The following GAL3ST4 variants were observed in gnomAD, a reference collection of about 807,000 sequenced individuals.
The protein encoded by GAL3ST4 is beta-galactose-3-O-sulfotransferase 4.
Under a neutral mutation model 31.6 loss-of-function variants are expected in GAL3ST4, and 30 were observed. The observed-to-expected ratio is 0.95, with a 90% CI of 0.71 to 1.29. GAL3ST4 has a LOEUF of 1.29. Among genes scored for constraint, GAL3ST4 ranks in the 50% most tolerant of loss-of-function variants. The pLI, the probability that GAL3ST4 is intolerant of heterozygous loss-of-function variation, is 0.00. For synonymous variants in GAL3ST4, 248 were observed against 256.9 expected, an observed-to-expected ratio of 0.97 and a Z score of 0.33; for missense variants, 629 against 625.2, an observed-to-expected ratio of 1.01 and a Z score of -0.06.
chr7:100,162,890 AAAAG>A (rs1190306415), intron 3 of GAL3ST4, among the ~76,000 whole-genome samples: 1 of 152,146 alleles, frequency 6.6e-6, no homozygotes, highest in Non-Finnish European at 1.5e-5. Context: ...AAAAAAAAGA[AAAAG>A]AAAAAAAAAG....
In GAL3ST4 at chr7:100,167,168, C is replaced by T; in HGVS notation, c.-73G>A. On this transcript the variant is annotated 5_prime_UTR_variant, in exon 2 of 4. Transcript: ENST00000360039. ...GAAGAGGGGCAGAGACAGCTGGAGA[C>T]AGCCGTGCAGCTGCGGAAGGCACTG... The T allele has an allele frequency of 6.4e-7, 1 of 1,550,834 alleles. No homozygotes were observed. Among genetic ancestry groups the T allele is most frequent in the Non-Finnish European group, 8.7e-7 (1 of 1,146,740 alleles).
Position 100,160,698 on chromosome 7 carries a change from G to T in GAL3ST4, c.691C>A (p.Pro231Thr). Residue 231 changes from proline (P) to threonine (T), a missense_variant, in exon 4 of 4, where the codon CCC becomes ACC. Transcript: ENST00000360039. ...EKRAKRGNIHPPRDPNPPQLQ... is the reference protein window; with the variant it reads ...EKRAKRGNIHTPRDPNPPQLQ... ...TGTGGGGGGTTGGGGTCTCTGGGGG[G>T]ATGAATATTCCCTCTCTTGGCCCTC... The T allele has an allele frequency of 1.2e-6, 2 of 1,613,820 alleles. No individual in the cohort carries two copies. The highest frequency in any genetic ancestry group is 1.7e-6 in the Non-Finnish European group (2 of 1,179,848).
chr7:100,165,653 C>CA (rs1232070580), intron 3 of GAL3ST4, among the ~76,000 whole-genome samples: 8 of 151,358 alleles, frequency 5.3e-5, no homozygotes, highest in Admixed American at 5.3e-4. Context: ...TCCATCTCTA[C>CA]AAAAAATAAA....
chr7:100,160,674 G>A lies in GAL3ST4; in HGVS notation c.715C>T (p.Gln239Ter), dbSNP rs1562954433. ...IHPPRDPNPP[Q>*]LQVLPSGAGP... ...GCACCAGAAGGCAAGACCTGCAGCT[G>A]TGGGGGGTTGGGGTCTCTGGGGGGA... The change falls in exon 4 of 4, where the codon CAG becomes TAG. Residue 239 changes from glutamine to a stop codon, truncating the protein, a stop_gained. Coordinates refer to ENST00000360039, the MANE Select transcript of GAL3ST4 (RefSeq NM_024637.5). LOFTEE classifies it high-confidence loss of function. 5 of 1,613,826 alleles carry A rather than the reference G, an allele frequency of 3.1e-6. No homozygotes were observed. Among genetic ancestry groups the A allele is most frequent in the African/African-American group, 2.7e-5 (2 of 74,940 alleles).
intron 3 of GAL3ST4, among the ~76,000 whole-genome samples, chr7:100,161,761 G>T (rs1278980897): frequency 6.6e-6 from 1 of 151,810 alleles, no homozygotes; most frequent in Non-Finnish European, 1.5e-5. Flanking sequence ...CCATAGAAAA[G>T]AATGAGATAA....
At chr7:100,161,657 A>C (rs2116970020) in intron 3 of GAL3ST4, among the ~76,000 whole-genome samples, 1 of 151,904 alleles carries the variant, frequency 6.6e-6, no homozygotes. Flanking sequence ...TGTCTCAAAA[A>C]AAAAAAAAAA....
chr7:100,159,540 T>G lies in GAL3ST4; in HGVS notation c.*388A>C. 5.7e-6 allele frequency: 1 copy of G among 175,016 alleles called. No homozygotes were observed. Among genetic ancestry groups the G allele is most frequent in the East Asian group, 1.6e-4 (1 of 6,126 alleles). 10.8% of individuals were successfully genotyped at this position (175,016 alleles called of 1,614,324 possible). ...GAGTTCAAGACCAGCCTAACCAACA[T>G]GTTGAATCCCTGTCTCTAAAAATAT... On this transcript the variant is annotated 3_prime_UTR_variant, in exon 4 of 4. Transcript: ENST00000360039.
Position 100,159,748 on chromosome 7 carries a change from C to G in GAL3ST4, c.*180G>C, listed in dbSNP as rs1470493930. The G allele has an allele frequency of 3.5e-6, 2 of 563,636 alleles. No individual in the cohort carries two copies. Among genetic ancestry groups the G allele is most frequent in the East Asian group, 6.0e-5 (2 of 33,294 alleles). 34.9% of individuals were successfully genotyped at this position (563,636 alleles called of 1,614,324 possible). Reference sequence around the variant, plus strand: ...AAAAAAAAAAGTTGGGGGGAAAGAACAAAATGAGTGGAGGGTGGAGGAGGG... The same window carrying G: ...AAAAAAAAAAGTTGGGGGGAAAGAAGAAAATGAGTGGAGGGTGGAGGAGGG... On this transcript the variant is annotated 3_prime_UTR_variant, in exon 4 of 4. Transcript: ENST00000360039.
intron 3 of GAL3ST4, among the ~76,000 whole-genome samples, chr7:100,165,390 C>T (rs1023504408): frequency 6.6e-6 from 1 of 152,128 alleles, no homozygotes; most frequent in Non-Finnish European, 1.5e-5. Context: ...AGGCTGGTCT[C>T]GAACTTCTGA....
At chr7:100,166,427 T>C (rs1375485367) in intron 3 of GAL3ST4, 75 bp downstream of exon 3, 11 of 1,477,666 alleles carry the variant, frequency 7.4e-6, no homozygotes, top group Non-Finnish European at 4.6e-6. Flanking sequence ...CCCCCAGGTC[T>C]GGGCCCCCTC....
At chr7:100,162,947 G>A (rs965424462) in intron 3 of GAL3ST4, among the ~76,000 whole-genome samples, 1 of 152,172 alleles carries the variant, frequency 6.6e-6, no homozygotes, top group African/African-American at 2.4e-5. Context: ...GAAACTCCTG[G>A]AGAACATTAA....
intron 3 of GAL3ST4, among the ~76,000 whole-genome samples, chr7:100,161,543 C>T (rs1029200529): frequency 2.0e-5 from 3 of 150,846 alleles, no homozygotes; most frequent in Admixed American, 6.6e-5. Flanking sequence ...CCCAGCTACT[C>T]GGGAGGCTGA....
intron 3 of GAL3ST4, among the ~76,000 whole-genome samples, chr7:100,162,138 T>C (rs1325713540): frequency 1.3e-5 from 2 of 151,646 alleles, no homozygotes; most frequent in African/African-American, 2.4e-5. Flanking sequence ...AAAAATAAAT[T>C]AGCGCGGTAT....
intron 3 of GAL3ST4, among the ~76,000 whole-genome samples, 178 bp downstream of exon 3, chr7:100,166,324 C>T (rs1265461728): frequency 2.0e-5 from 3 of 152,156 alleles, no homozygotes; most frequent in African/African-American, 7.2e-5. Flanking sequence ...CTCCCAGAAA[C>T]TACTGGGGAA....
intron 3 of GAL3ST4, 69 bp downstream of exon 3, chr7:100,166,433 C>T (rs1799074157): frequency 6.7e-7 from 1 of 1,501,046 alleles, no homozygotes. Flanking sequence ...GGTCTGGGCC[C>T]CCTCCCTTGG....
Position 100,159,908 on chromosome 7 carries a change from C to T in GAL3ST4, c.*20G>A, listed in dbSNP as rs1798967205. 2 of 1,567,742 alleles carry T rather than the reference C, an allele frequency of 1.3e-6. No homozygotes were observed. Among genetic ancestry groups the T allele is most frequent in the Non-Finnish European group, 1.7e-6 (2 of 1,155,114 alleles). On this transcript the variant is annotated 3_prime_UTR_variant, in exon 4 of 4. Coordinates refer to ENST00000360039, the MANE Select transcript of GAL3ST4 (RefSeq NM_024637.5). Reference sequence around the variant, plus strand: ...CCTTCAAACATGGCTGCTCTTCCACCTAAATCTGTAGTCTGATGTTTATGG... The same window carrying T: ...CCTTCAAACATGGCTGCTCTTCCACTTAAATCTGTAGTCTGATGTTTATGG...
At chr7:100,163,237 C>T (rs994461452) in intron 3 of GAL3ST4, among the ~76,000 whole-genome samples, 2 of 152,128 alleles carry the variant, frequency 1.3e-5, no homozygotes, top group Admixed American at 1.3e-4. Flanking sequence ...AGGATGCTGC[C>T]CTGAGGGCTG....
In GAL3ST4 at chr7:100,160,123, G is replaced by A. The variant is rs573489011; in HGVS notation, c.1266C>T (p.Arg422=). The change falls in exon 4 of 4, where the codon CGC becomes CGT. Residue 422 remains arginine (R), a synonymous_variant. Coordinates refer to ENST00000360039, the MANE Select transcript of GAL3ST4 (RefSeq NM_024637.5). Reference sequence around the variant, plus strand: ...ACCCAAACTGGAAGGGGCGGAACCGGCGATCAGTGATGTATTTGGGGTCAG... The same window carrying A: ...ACCCAAACTGGAAGGGGCGGAACCGACGATCAGTGATGTATTTGGGGTCAG... ...EASDPKYITD[R]RFRPFQFGSA... is the part of the protein sequence containing the mutation. The A allele has an allele frequency of 2.4e-5, 39 of 1,614,026 alleles. No homozygotes were observed. The highest frequency in any genetic ancestry group is 3.1e-5 in the Non-Finnish European group (37 of 1,179,932).
rs1292996975 is a variant in GAL3ST4 at position 100,163,022 on chromosome 7, T to C, written c.430-2063A>G. ...TCTAGGAACCAACCTTTGTACTCAT[T>C]TCTCCAGCAAAAACCTGTTGAGTGC... On this transcript the variant is annotated intron_variant, in intron 3 of 3. Coordinates refer to ENST00000360039, the MANE Select transcript of GAL3ST4 (RefSeq NM_024637.5). Among the ~76,000 whole-genome samples, 8 of 152,176 alleles carry C rather than the reference T, an allele frequency of 5.3e-5. No individual in the cohort carries two copies. In the East Asian group the frequency reaches 1.5e-3, roughly 29 times the overall value.
Sources: gnomAD v4.1 joint callset for allele counts (sites outside exome capture counted in the v4.1 genomes callset) on GRCh38, gnomAD v4.1.1 for gene constraint, MANE v1.5 for transcripts, NCBI Gene and HGNC (gene_info 2026-07-23, HGNC 2026-07-21) for gene names.